CHST11: variants seen among roughly 807,000 people sequenced by gnomAD.
The protein encoded by CHST11 is carbohydrate sulfotransferase 11.
Under a neutral mutation model 30.4 loss-of-function variants are expected in CHST11, and 9 were observed. That is an observed-to-expected ratio of 0.30 (90% CI 0.18 to 0.52). The LOEUF is 0.52. Ranked by LOEUF, CHST11 falls within the 20% of genes least tolerant of loss-of-function variation. The pLI, the probability that CHST11 is intolerant of heterozygous loss-of-function variation, is 0.97. For synonymous variants in CHST11, 152 were observed against 187.8 expected (o/e 0.81, Z 1.56); for missense variants, 348 against 460.6 (o/e 0.76, Z 2.24).
chr12:104,744,853 ATTTATTTATTTATTTAT>A (rs1211492105), intron 2 of CHST11, among the ~76,000 whole-genome samples: 1 of 25,662 alleles, frequency 3.9e-5, no homozygotes, highest in Non-Finnish European at 8.5e-5. Flanking sequence ...TCATTTATTT[ATTTATTTATTTATTTAT>A]TTATTTATTT....
At chr12:104,711,344 T>TA (rs1282191050) in intron 2 of CHST11, among the ~76,000 whole-genome samples, 1 of 152,184 alleles carries the variant, frequency 6.6e-6, no homozygotes, top group Non-Finnish European at 1.5e-5. Context: ...TATATCCAAA[T>TA]AAAAAATGCT....
intron 2 of CHST11, among the ~76,000 whole-genome samples, chr12:104,699,431 T>C (rs1156429858): frequency 6.6e-6 from 1 of 152,202 alleles, no homozygotes. Context: ...AAATAAATGA[T>C]TAGAATTTAT....
intron 2 of CHST11, among the ~76,000 whole-genome samples, chr12:104,668,524 C>G (rs1477805320): frequency 6.6e-6 from 1 of 152,186 alleles, no homozygotes; most frequent in African/African-American, 2.4e-5. Context: ...CAACTGAATA[C>G]AGTCCCCATA....
intron 1 of CHST11, among the ~76,000 whole-genome samples, chr12:104,510,777 G>A (rs773219622): frequency 1.3e-5 from 2 of 152,004 alleles, no homozygotes; most frequent in African/African-American, 2.4e-5. Context: ...ATGAGAAGTT[G>A]GTTAGTGATT....
chr12:104,751,134 C>A (rs188532672), intron 2 of CHST11, among the ~76,000 whole-genome samples: 5 of 152,320 alleles, frequency 3.3e-5, no homozygotes, highest in Admixed American at 3.3e-4. Flanking sequence ...AAATGATATG[C>A]TGGTGTCATT....
intron 2 of CHST11, among the ~76,000 whole-genome samples, chr12:104,750,454 T>TTTTTTTTTTTTTTTTTTTTTG (rs1566064735): frequency 8.2e-6 from 1 of 122,162 alleles, no homozygotes; most frequent in Non-Finnish European, 1.7e-5. Flanking sequence ...TTTTTTTTTT[T>TTTTTTTTTTTTTTTTTTTTTG]TTGTTGAGAC....
At chr12:104,484,009 C>T (rs1397948765) in intron 1 of CHST11, among the ~76,000 whole-genome samples, 10 of 152,166 alleles carry the variant, frequency 6.6e-5, no homozygotes, top group African/African-American at 2.2e-4. Context: ...CTACTGTCTG[C>T]GAAGGTCTGC....
chr12:104,564,366 G>A (rs1451492990), intron 1 of CHST11, among the ~76,000 whole-genome samples: 1 of 152,234 alleles, frequency 6.6e-6, no homozygotes, highest in South Asian at 2.1e-4. Flanking sequence ...TGTGTTGGAC[G>A]AATGACAATT....
chr12:104,496,538 T>C (rs1440802125), intron 1 of CHST11, among the ~76,000 whole-genome samples: 1 of 152,250 alleles, frequency 6.6e-6, no homozygotes, highest in Admixed American at 6.5e-5. Flanking sequence ...TATTTTAAGT[T>C]GGGGGACCAA....
At chr12:104,544,704 C>CT (rs2038325948) in intron 1 of CHST11, among the ~76,000 whole-genome samples, 1 of 49,256 alleles carries the variant, frequency 2.0e-5, no homozygotes, top group Non-Finnish European at 4.0e-5. Context: ...GAGACTTGGT[C>CT]TAAAAAAAAA....
At chr12:104,530,945 C>T (rs745935205) in intron 1 of CHST11, among the ~76,000 whole-genome samples, 27 of 152,172 alleles carry the variant, frequency 1.8e-4, no homozygotes, top group Non-Finnish European at 3.2e-4. Flanking sequence ...TGAAATTTCA[C>T]GTGGATTTAA....
intron 2 of CHST11, among the ~76,000 whole-genome samples, chr12:104,674,303 C>G (rs2039721351): frequency 6.6e-6 from 1 of 152,150 alleles, no homozygotes; most frequent in Non-Finnish European, 1.5e-5. Flanking sequence ...ATCACTAATT[C>G]TACGACAACC....
At chr12:104,604,904 G>A (rs555802409) in intron 2 of CHST11, among the ~76,000 whole-genome samples, 1 of 152,232 alleles carries the variant, frequency 6.6e-6, no homozygotes, top group Admixed American at 6.5e-5. Context: ...CTATCTAGAT[G>A]CTTATAAACA....
chr12:104,738,917 T>A (rs2040324541), intron 2 of CHST11, among the ~76,000 whole-genome samples: 1 of 152,262 alleles, frequency 6.6e-6, no homozygotes, highest in Admixed American at 6.5e-5. Flanking sequence ...TAACTGGCAG[T>A]CACTGGACTG....
At chr12:104,532,039 C>T (rs987450852) in intron 1 of CHST11, among the ~76,000 whole-genome samples, 2 of 152,238 alleles carry the variant, frequency 1.3e-5, no homozygotes, top group Non-Finnish European at 2.9e-5. Flanking sequence ...AGCTGCACTC[C>T]AAAACTGGTG....
chr12:104,489,615 A>G (rs2037725327), intron 1 of CHST11, among the ~76,000 whole-genome samples: 1 of 152,092 alleles, frequency 6.6e-6, no homozygotes, highest in African/African-American at 2.4e-5. Flanking sequence ...AGTAGCTGGG[A>G]CTACAGGCAT....
intron 1 of CHST11, among the ~76,000 whole-genome samples, chr12:104,565,881 G>A (rs576622937): frequency 6.6e-6 from 1 of 152,326 alleles, no homozygotes; most frequent in East Asian, 1.9e-4. Context: ...CCCTGTGTTT[G>A]CCACAGGGAA....
intron 2 of CHST11, among the ~76,000 whole-genome samples, chr12:104,622,258 A>G (rs1221547028): frequency 6.6e-6 from 1 of 152,258 alleles, no homozygotes; most frequent in Non-Finnish European, 1.5e-5. Flanking sequence ...CACACATTCA[A>G]CGTGAAATTT....
At chr12:104,642,574 T>C (rs2039387476) in intron 2 of CHST11, among the ~76,000 whole-genome samples, 1 of 152,116 alleles carries the variant, frequency 6.6e-6, no homozygotes, top group African/African-American at 2.4e-5. Context: ...CTAATTTTTG[T>C]ATTTTTGTAG....
Sources: allele counts gnomAD v4.1 joint callset (sites outside exome capture counted in the v4.1 genomes callset), GRCh38; gene constraint gnomAD v4.1.1; transcripts MANE v1.5; gene names NCBI Gene and HGNC (gene_info 2026-07-23, HGNC 2026-07-21).